NAV2: variants seen among roughly 807,000 people sequenced by gnomAD.
NAV2 encodes helicase, APC down-regulated 1.
NAV2 carries 54 observed loss-of-function variants against 223.2 expected under a neutral mutation model. The ratio of observed to expected loss-of-function variants is 0.24; its 90% CI spans 0.19 to 0.30. The LOEUF is 0.30. Ranked by LOEUF, NAV2 falls within the 10% of genes least tolerant of loss-of-function variation. NAV2 has a pLI of 1.00. For missense variants in NAV2, 2,806 were observed against 3,147.5 expected (o/e 0.89, Z 2.60); for synonymous variants, 1,279 against 1,239.3 (o/e 1.03, Z -0.67).
At chr11:19,641,845 T>G (rs1329832372) in intron 1 of NAV2, among the ~76,000 whole-genome samples, 1 of 152,134 alleles carries the variant, frequency 6.6e-6, no homozygotes, top group East Asian at 1.9e-4. Flanking sequence ...GCCCTTTGTC[T>G]ATTTCCTTTC....
chr11:19,719,949 C>T (rs532603063), intron 1 of NAV2, among the ~76,000 whole-genome samples: 1 of 152,308 alleles, frequency 6.6e-6, no homozygotes, highest in South Asian at 2.1e-4. Flanking sequence ...TTGAGTGGAG[C>T]CGGCCAATCT....
intron 1 of NAV2, among the ~76,000 whole-genome samples, chr11:19,523,425 C>A (rs1305174685): frequency 6.6e-6 from 1 of 152,222 alleles, no homozygotes; most frequent in Non-Finnish European, 1.5e-5. Flanking sequence ...GCCTCAGTTT[C>A]CCTACCTGGA....
At chr11:19,819,264 G>A (rs751359812) in intron 1 of NAV2, among the ~76,000 whole-genome samples, 1 of 152,200 alleles carries the variant, frequency 6.6e-6, no homozygotes, top group Non-Finnish European at 1.5e-5. Flanking sequence ...GAAAAAATGA[G>A]TAATTCTGTT....
chr11:19,524,891 G>A (rs1468210386), intron 1 of NAV2, among the ~76,000 whole-genome samples: 1 of 152,166 alleles, frequency 6.6e-6, no homozygotes, highest in Non-Finnish European at 1.5e-5. Flanking sequence ...TCAGCTAACA[G>A]ACACAGCTTC....
chr11:19,497,603 G>A (rs957394745), intron 1 of NAV2, among the ~76,000 whole-genome samples: 45 of 152,144 alleles, frequency 3.0e-4, no homozygotes, highest in African/African-American at 9.9e-4. Flanking sequence ...ACAAACAGCT[G>A]CAGGCCTTGG....
intron 1 of NAV2, among the ~76,000 whole-genome samples, chr11:19,474,008 C>A (rs1043700492): frequency 6.6e-6 from 1 of 152,188 alleles, no homozygotes; most frequent in African/African-American, 2.4e-5. Context: ...GCCCACTATT[C>A]CTTCTTTTTA....
At chr11:19,844,250 G>A (rs1051668401) in intron 3 of NAV2, among the ~76,000 whole-genome samples, 1 of 152,238 alleles carries the variant, frequency 6.6e-6, no homozygotes, top group Non-Finnish European at 1.5e-5. Context: ...TGCTGCACAT[G>A]TAGTCCTATC....
rs530168530 is a variant in NAV2 at position 20,010,336 on chromosome 11, G to A, written c.2769-25623G>A. ...TAGAGACTCATTTACAAGATTGTCT[G>A]CTCCCGTGGATCAGGACTGCAAAGG... On this transcript the variant is annotated intron_variant, in intron 11 of 37. Transcript: ENST00000349880. Among the ~76,000 whole-genome samples the A allele has an allele frequency of 2.4e-4, 37 of 152,290 alleles. No individual in the cohort carries two copies. In the South Asian group the frequency reaches 7.3e-3, roughly 30 times the overall value.
intron 1 of NAV2, among the ~76,000 whole-genome samples, chr11:19,436,604 A>G (rs1258692410): frequency 6.6e-6 from 1 of 151,912 alleles, no homozygotes; most frequent in Non-Finnish European, 1.5e-5. Flanking sequence ...TGTTTTTCCT[A>G]TTTCTGTGAA....
rs59609463 is a variant in NAV2, at chr11:19,861,835, C to T, written c.439-7090C>T. On this transcript the variant is annotated intron_variant, in intron 3 of 37. Transcript: ENST00000349880. ...CACAGAATGGGATACTGATTGAATGCACACAAAGGTATCCTTGGGCCTTTC... is the reference window on the plus strand; with the variant it reads ...CACAGAATGGGATACTGATTGAATGTACACAAAGGTATCCTTGGGCCTTTC... Among the ~76,000 whole-genome samples the T allele has an allele frequency of 5.4e-3, 828 of 152,338 alleles. 12 individuals carry two copies. The highest frequency in any genetic ancestry group is 0.019 in the African/African-American group (778 of 41,572).
In NAV2 at chr11:19,624,085, T is replaced by A. The variant is rs544780542; in HGVS notation, c.76-208399T>A. Among the ~76,000 whole-genome samples, 500 of 152,302 alleles carry A rather than the reference T, an allele frequency of 3.3e-3. 2 individuals are homozygous for A. Among genetic ancestry groups the A allele is most frequent in the Middle Eastern group, 6.8e-3 (2 of 294 alleles). ...CCAGCGGAGGCTGCAGAACAGCGAG[T>A]ATTGCAGAATAACAAATGTTGCTGC... On this transcript the variant is annotated intron_variant, in intron 1 of 37. Coordinates refer to the NAV2 transcript ENST00000360655.
chr11:19,857,559 C>G (rs2061471874), intron 3 of NAV2, among the ~76,000 whole-genome samples: 1 of 152,190 alleles, frequency 6.6e-6, no homozygotes, highest in African/African-American at 2.4e-5. Flanking sequence ...ATGAATGAGA[C>G]TGTCAGGTTC....
intron 2 of NAV2, among the ~76,000 whole-genome samples, chr11:19,840,305 A>G (rs1590829580): frequency 6.6e-6 from 1 of 152,240 alleles, no homozygotes; most frequent in African/African-American, 2.4e-5. Flanking sequence ...TTTAAATTCA[A>G]AGAGCACCTG....
chr11:19,423,797 G>A (rs1390349052), intron 1 of NAV2, among the ~76,000 whole-genome samples: 3 of 152,210 alleles, frequency 2.0e-5, no homozygotes, highest in Non-Finnish European at 4.4e-5. Flanking sequence ...CCCATGAGTT[G>A]GTAGAGATAT....
intron 7 of NAV2, among the ~76,000 whole-genome samples, chr11:19,938,863 G>A (rs2046152584): frequency 6.6e-6 from 1 of 152,208 alleles, no homozygotes; most frequent in Non-Finnish European, 1.5e-5. Context: ...CTCATTCTGG[G>A]CAAACGTTTT....
In NAV2 at chr11:19,713,879, G is replaced by T; in HGVS notation, c.184G>T (p.Val62Leu). ...YPSQIPLKSQ[V>L]LQGLQEPAGE... ...TAGCCAGATCCCCCTGAAATCGCAG[G>T]TGCTGCAGGGGCTGCAGGAGCCAGC... Residue 62 changes from valine (V) to leucine (L), a missense_variant, in exon 1 of 38, where the codon GTG (valine) becomes TTG (leucine). This residue lies in a region of NAV2 where 1,167 missense variants were observed against 1,180.5 expected (regional missense o/e 0.99). Coordinates refer to ENST00000349880, the MANE Select transcript of NAV2 (RefSeq NM_145117.5). This position sits in a 1 kb window ranked among gnomAD's most constrained non-coding sequence, Gnocchi z 7.2. 6.2e-7 allele frequency: 1 copy of T among 1,613,740 alleles called. No individual in the cohort carries two copies. The highest frequency in any genetic ancestry group is 8.5e-7 in the Non-Finnish European group (1 of 1,179,962).
At chr11:19,704,035 G>C (rs138054356) in intron 1 of NAV2, among the ~76,000 whole-genome samples, 3 of 151,804 alleles carry the variant, frequency 2.0e-5, no homozygotes, top group East Asian at 1.9e-4. Flanking sequence ...GGGGTGGAAG[G>C]GGGTAGGTAT....
chr11:20,051,913 C>G (rs536613495), intron 17 of NAV2, among the ~76,000 whole-genome samples: 1 of 152,266 alleles, frequency 6.6e-6, no homozygotes, highest in East Asian at 1.9e-4. Flanking sequence ...AGAAAAGACT[C>G]CCAGGAAGGA....
chr11:19,714,050 A>G lies in NAV2; in HGVS notation c.267+88A>G, dbSNP rs2050069169. On this transcript the variant is annotated intron_variant, in intron 1 of 37. Coordinates refer to ENST00000349880, the MANE Select transcript of NAV2 (RefSeq NM_145117.5). ...GGTGTGGGAGAAAGGGCTGGATGGGAGAAGGGTCTACCATGTGGCCAGGGA... is the reference window on the plus strand; with the variant it reads ...GGTGTGGGAGAAAGGGCTGGATGGGGGAAGGGTCTACCATGTGGCCAGGGA... 2.0e-6 allele frequency: 3 copies of G among 1,514,018 alleles called. No individual in the cohort carries two copies. In the South Asian group the frequency reaches 3.8e-5, roughly 19 times the overall value. 93.8% of individuals were successfully genotyped at this position (1,514,018 alleles called of 1,614,324 possible).
Sources: allele counts gnomAD v4.1 joint callset (sites outside exome capture counted in the v4.1 genomes callset), GRCh38; gene constraint gnomAD v4.1.1; regional missense constraint gnomAD v4.1.1; non-coding constraint Gnocchi (gnomAD v3.1); transcripts MANE v1.5; gene names NCBI Gene and HGNC (gene_info 2026-07-23, HGNC 2026-07-21).